The following BMPR2 variants were observed in gnomAD, a reference collection of about 807,000 sequenced individuals.
The protein encoded by BMPR2 is bone morphogenetic protein receptor type-2.
Under a neutral mutation model 100.8 loss-of-function variants are expected in BMPR2, and 29 were observed. The ratio of observed to expected loss-of-function variants is 0.29; its 90% CI spans 0.21 to 0.39. The LOEUF is 0.39. BMPR2 is among the 10% of genes least tolerant of loss of function. The probability of loss-of-function intolerance (pLI) is 1.00; values close to 1 mark genes in which losing one functional copy is unlikely to be tolerated. For missense variants in BMPR2, 1,011 were observed against 1,274.5 expected (o/e 0.79, Z 3.15); for synonymous variants, 382 against 442.3 (o/e 0.86, Z 1.71).
chr2:202,502,259 A>T (rs888452534), intron 3 of BMPR2, among the ~76,000 whole-genome samples: 6 of 152,362 alleles, frequency 3.9e-5, no homozygotes, highest in Admixed American at 3.9e-4. Context: ...GCAAAAACAC[A>T]AAGAGGTGGG....
At chr2:202,547,351 A>G (rs893333862) in intron 10 of BMPR2, among the ~76,000 whole-genome samples, 5 of 151,562 alleles carry the variant, frequency 3.3e-5, no homozygotes, top group Admixed American at 6.6e-5. Flanking sequence ...AAATGTTTAT[A>G]CTCCATTTCT....
intron 1 of BMPR2, among the ~76,000 whole-genome samples, chr2:202,379,403 C>T (rs1690222554): frequency 6.6e-6 from 1 of 152,130 alleles, no homozygotes; most frequent in Non-Finnish European, 1.5e-5. Context: ...TAGTGTGCGC[C>T]CTCACATACC....
At chr2:202,518,117 C>T (rs1214010496) in intron 5 of BMPR2, among the ~76,000 whole-genome samples, 4 of 142,722 alleles carry the variant, frequency 2.8e-5, no homozygotes, top group African/African-American at 5.2e-5. Context: ...TGAGCCACCG[C>T]GCCTGGCCTC....
rs553484133 is a variant in BMPR2, at chr2:202,552,938, A to T, written c.1586+50A>T. ...CTATCAATCAGTATTAGAAACTGAG[A>T]CCCAACAAAGAATAGAAAATAAATA... On this transcript the variant is annotated intron_variant, in intron 11 of 12. Coordinates refer to ENST00000374580, the MANE Select transcript of BMPR2 (RefSeq NM_001204.7). The T allele has an allele frequency of 5.6e-6, 9 of 1,598,346 alleles. No individual in the cohort carries two copies. The South Asian group carries it at 9.9e-5, about 18-fold the overall frequency.
intron 1 of BMPR2, among the ~76,000 whole-genome samples, chr2:202,405,561 A>G (rs1690872294): frequency 6.6e-6 from 1 of 151,674 alleles, no homozygotes; most frequent in African/African-American, 2.4e-5. Flanking sequence ...GGTGGCGGGC[A>G]CCCATAGTCC....
chr2:202,483,813 C>T (rs949649409), intron 3 of BMPR2, among the ~76,000 whole-genome samples: 1 of 152,136 alleles, frequency 6.6e-6, no homozygotes, highest in African/African-American at 2.4e-5. Flanking sequence ...TTCTTTTGAC[C>T]GGGTACAGTG....
At chr2:202,392,809 A>G (rs1690576427) in intron 1 of BMPR2, among the ~76,000 whole-genome samples, 1 of 151,936 alleles carries the variant, frequency 6.6e-6, no homozygotes, top group Non-Finnish European at 1.5e-5. Flanking sequence ...CCTGACCAAC[A>G]TGGAGAAACC....
chr2:202,510,828 G>C (rs1559060306), intron 3 of BMPR2, among the ~76,000 whole-genome samples: 1 of 151,824 alleles, frequency 6.6e-6, no homozygotes, highest in Non-Finnish European at 1.5e-5. Flanking sequence ...TTACAGGCAA[G>C]CGCCACCATG....
intron 3 of BMPR2, among the ~76,000 whole-genome samples, chr2:202,500,146 A>G (rs1687351401): frequency 6.6e-6 from 1 of 152,110 alleles, no homozygotes; most frequent in Admixed American, 6.5e-5. Flanking sequence ...AGCCCCGGGT[A>G]TGTTTAACTA....
At chr2:202,489,379 A>T (rs186646731) in intron 3 of BMPR2, among the ~76,000 whole-genome samples, 215 of 152,340 alleles carry the variant, frequency 1.4e-3, no homozygotes, top group South Asian at 3.5e-3. Flanking sequence ...AAAGAAAAAC[A>T]AAGTTAAGGG....
chr2:202,564,479 C>G lies in BMPR2; in HGVS notation c.*4533C>G, dbSNP rs1187844615. ...GAGACTTTTTCAGAATGCAATGTTTCTAAATGTACTGTTACTGGCAGTTTA... is the reference window on the plus strand; with the variant it reads ...GAGACTTTTTCAGAATGCAATGTTTGTAAATGTACTGTTACTGGCAGTTTA... On this transcript the variant is annotated 3_prime_UTR_variant, in exon 13 of 13. Transcript: ENST00000374580. The G allele has an allele frequency of 6.6e-6, 1 of 152,140 alleles. No homozygotes were observed. The highest frequency in any genetic ancestry group is 1.9e-4 in the East Asian group (1 of 5,196). The allele number at this position is 152,140 out of a possible 1,614,324, so 9.4% of individuals were successfully genotyped here. A position where few individuals can be genotyped will look rare whatever the true frequency, so the allele number is the denominator to read the frequency against.
chr2:202,490,233 G>A (rs376137507), intron 3 of BMPR2, among the ~76,000 whole-genome samples: 26 of 152,264 alleles, frequency 1.7e-4, no homozygotes, highest in Middle Eastern at 3.4e-3. Flanking sequence ...TCACGAGGCC[G>A]TGGCAGAAGG....
At chr2:202,537,588 G>C (rs942606349) in intron 9 of BMPR2, among the ~76,000 whole-genome samples, 49 of 152,176 alleles carry the variant, frequency 3.2e-4, no homozygotes, top group African/African-American at 1.2e-3. Flanking sequence ...TCTAGAAATG[G>C]TTAGTAGTAA....
At chr2:202,546,310 A>G (rs1688375167) in intron 10 of BMPR2, among the ~76,000 whole-genome samples, 1 of 152,258 alleles carries the variant, frequency 6.6e-6, no homozygotes, top group Non-Finnish European at 1.5e-5. Flanking sequence ...ATTAAGAAAC[A>G]TTCCTTTAGT....
At chr2:202,517,428 C>T (rs12998382) in intron 5 of BMPR2, among the ~76,000 whole-genome samples, 19,094 of 150,182 alleles carry the variant, frequency 0.13, 1,275 homozygotes, top group Admixed American at 0.14. Context: ...TCAAGTGATT[C>T]TCCAGCCTCA....
chr2:202,523,781 G>T (rs1235538964), intron 7 of BMPR2, among the ~76,000 whole-genome samples: 5 of 152,074 alleles, frequency 3.3e-5, no homozygotes, highest in Non-Finnish European at 5.9e-5. Flanking sequence ...TCCAGCCTGG[G>T]CAGCAAGAGT....
intron 1 of BMPR2, among the ~76,000 whole-genome samples, chr2:202,397,762 A>G (rs1392488744): frequency 6.6e-6 from 1 of 151,086 alleles, no homozygotes; most frequent in African/African-American, 2.4e-5. Flanking sequence ...AGCCTCCCAA[A>G]GTGCTGGGAT....
chr2:202,383,147 G>T (rs1396352893), intron 1 of BMPR2, among the ~76,000 whole-genome samples: 1 of 152,186 alleles, frequency 6.6e-6, no homozygotes, highest in African/African-American at 2.4e-5. Context: ...AATTTGCAGT[G>T]TGGCCTGGGC....
intron 10 of BMPR2, among the ~76,000 whole-genome samples, chr2:202,550,735 C>T (rs1219449651): frequency 6.6e-6 from 1 of 151,936 alleles, no homozygotes; most frequent in Non-Finnish European, 1.5e-5. Context: ...TCCAGGAGTT[C>T]AAGGCTGCAG....
Sources: gnomAD v4.1 joint callset for allele counts (sites outside exome capture counted in the v4.1 genomes callset) on GRCh38, gnomAD v4.1.1 for gene constraint, MANE v1.5 for transcripts, NCBI Gene and HGNC (gene_info 2026-07-23, HGNC 2026-07-21) for gene names.